CPLX2: variants seen among roughly 807,000 people sequenced by gnomAD.
CPLX2 encodes complexin-2.
A neutral mutation model predicts 16.3 loss-of-function variants in CPLX2; 5 were observed. The ratio of observed to expected loss-of-function variants is 0.31; its 90% CI spans 0.16 to 0.64. The LOEUF is 0.64. CPLX2 is among the 30% of genes least tolerant of loss of function. The pLI, the probability that CPLX2 is intolerant of heterozygous loss-of-function variation, is 0.79. For synonymous variants in CPLX2, 89 were observed against 73.2 expected (o/e 1.22, Z -1.10); for missense variants, 144 against 181.4 (o/e 0.79, Z 1.18).
intron 2 of CPLX2, among the ~76,000 whole-genome samples, chr5:175,856,985 G>A (rs1314010690): frequency 1.3e-5 from 2 of 152,198 alleles, no homozygotes; most frequent in African/African-American, 4.8e-5. Context: ...AATGCAGTCA[G>A]AGAATTTAGA....
chr5:175,841,407 C>A (rs564985294), intron 2 of CPLX2, among the ~76,000 whole-genome samples: 1 of 152,196 alleles, frequency 6.6e-6, no homozygotes, highest in Non-Finnish European at 1.5e-5. Context: ...CTGGGAGTCA[C>A]GCTTGTGAAG....
chr5:175,858,576 G>A (rs564660330), intron 2 of CPLX2, among the ~76,000 whole-genome samples: 12 of 152,342 alleles, frequency 7.9e-5, no homozygotes, highest in African/African-American at 1.7e-4. Context: ...CCTGAGGGGC[G>A]AAGGAGGAGC....
intron 2 of CPLX2, among the ~76,000 whole-genome samples, chr5:175,813,437 T>C (rs1758348233): frequency 6.6e-6 from 1 of 152,256 alleles, no homozygotes. Flanking sequence ...TTAGTTCTTA[T>C]ATCCTTCTAT....
intron 1 of CPLX2, chr5:175,878,157 G>A (rs953707778): frequency 6.6e-6 from 1 of 152,486 alleles, no homozygotes; most frequent in Non-Finnish European, 1.5e-5. Flanking sequence ...CAGTAACACC[G>A]GCTGGTCTTT....
intron 1 of CPLX2, among the ~76,000 whole-genome samples, chr5:175,799,127 G>A (rs1301378920): frequency 3.3e-5 from 5 of 152,178 alleles, no homozygotes; most frequent in African/African-American, 1.2e-4. Context: ...TGCCAGAATT[G>A]TTCATGTCCA....
At chr5:175,836,174 C>T (rs1376491952) in intron 2 of CPLX2, among the ~76,000 whole-genome samples, 1 of 151,970 alleles carries the variant, frequency 6.6e-6, no homozygotes, top group Non-Finnish European at 1.5e-5. Flanking sequence ...CACGGTGAAA[C>T]CCCGTCTCTA....
At chr5:175,833,138 A>T (rs72823129) in intron 2 of CPLX2, among the ~76,000 whole-genome samples, 3 of 141,414 alleles carry the variant, frequency 2.1e-5, no homozygotes. Context: ...CCTAGATGAC[A>T]AAAGTGAAAC....
In CPLX2 at chr5:175,810,449, G is replaced by A. The variant is rs115136034; in HGVS notation, c.-89+1381G>A. 1.8e-3 allele frequency among the ~76,000 whole-genome samples: 270 copies of A among 152,322 alleles called. 1 individual carries two copies. The highest frequency in any genetic ancestry group is 2.0e-3 in the Non-Finnish European group (139 of 68,034). ...AGCTTCTCATCTTCCAAAATTTGGA[G>A]ATGTCACTGAGCACTTGCACCTTTG... On this transcript the variant is annotated intron_variant, in intron 2 of 4. Coordinates refer to the CPLX2 transcript ENST00000359546.
chr5:175,839,693 T>A (rs1047375286), intron 2 of CPLX2, among the ~76,000 whole-genome samples: 9 of 152,252 alleles, frequency 5.9e-5, no homozygotes, highest in Admixed American at 5.9e-4. Context: ...CAAGATTACA[T>A]TAAACATTAT....
chr5:175,869,996 C>T (rs1267382814), upstream of CPLX2, among the ~76,000 whole-genome samples: 1 of 152,208 alleles, frequency 6.6e-6, no homozygotes, highest in African/African-American at 2.4e-5. Flanking sequence ...ACGGGGAGGA[C>T]TGTGCACTTG....
At chr5:175,817,970 A>G (rs1022328960) in intron 2 of CPLX2, among the ~76,000 whole-genome samples, 4 of 152,140 alleles carry the variant, frequency 2.6e-5, no homozygotes, top group Non-Finnish European at 5.9e-5. Flanking sequence ...AGGAGCCTCA[A>G]ATAAGAGCAA....
intron 2 of CPLX2, among the ~76,000 whole-genome samples, chr5:175,817,544 C>G (rs1029093649): frequency 6.6e-6 from 1 of 152,208 alleles, no homozygotes; most frequent in African/African-American, 2.4e-5. Flanking sequence ...TGACAAGAAG[C>G]TCACTACTCT....
intron 2 of CPLX2, among the ~76,000 whole-genome samples, chr5:175,859,632 C>G (rs1759324953): frequency 6.6e-6 from 1 of 152,178 alleles, no homozygotes; most frequent in Non-Finnish European, 1.5e-5. Flanking sequence ...AGCTGTTGGC[C>G]AAAAGTATGT....
chr5:175,843,195 C>G (rs1450268409), intron 2 of CPLX2, among the ~76,000 whole-genome samples: 3 of 152,194 alleles, frequency 2.0e-5, no homozygotes, highest in Non-Finnish European at 4.4e-5. Flanking sequence ...GTCAGCTAGT[C>G]AGACAACAGG....
At chr5:175,868,662 T>C (rs960126302), upstream of CPLX2, among the ~76,000 whole-genome samples, 4 of 151,208 alleles carry the variant, frequency 2.6e-5, no homozygotes, top group Non-Finnish European at 4.4e-5. Context: ...CCACATGACA[T>C]GAGGACCCCG....
rs536276987 is a variant in CPLX2 at position 175,822,246 on chromosome 5, T to C, written c.-89+13178T>C. 2.0e-4 allele frequency among the ~76,000 whole-genome samples: 31 copies of C among 152,322 alleles called. 1 individual carries two copies. The South Asian group carries it at 6.2e-3, about 31-fold the overall frequency. ...ACGTACTTTTGAGTTTTGTCCTCAATTTCGTTTTCCTTCCATCCTTTTCTC... is the reference window on the plus strand; with the variant it reads ...ACGTACTTTTGAGTTTTGTCCTCAACTTCGTTTTCCTTCCATCCTTTTCTC... On this transcript the variant is annotated intron_variant, in intron 2 of 4. Transcript: ENST00000359546.
At chr5:175,875,485 T>C (rs987357767) in intron 1 of CPLX2, among the ~76,000 whole-genome samples, 2 of 152,192 alleles carry the variant, frequency 1.3e-5, no homozygotes, top group African/African-American at 2.4e-5. Flanking sequence ...ACACATCCCA[T>C]AGAGTATTTC....
At chr5:175,820,657 G>A (rs548929905) in intron 2 of CPLX2, among the ~76,000 whole-genome samples, 140 of 152,044 alleles carry the variant, frequency 9.2e-4, no homozygotes, top group Non-Finnish European at 1.3e-3. Context: ...GCAGCCCCCC[G>A]CCCCCTACCA....
rs1759648974 is a variant in CPLX2, at chr5:175,872,401, C to T, written c.-89+696C>T. On this transcript the variant is annotated intron_variant, in intron 1 of 3. Coordinates refer to ENST00000393745, the MANE Select transcript of CPLX2 (RefSeq NM_001008220.2). This position sits in a 1 kb window ranked among gnomAD's most constrained non-coding sequence, Gnocchi z 5.0. ...TCTCGTTCTCGTCGGCCTCAATCTG[C>T]CCCCTTCCCCAGCAAAGTTTGAAAC... is the stretch of plus-strand genomic sequence containing the variant. Among the ~76,000 whole-genome samples the T allele has an allele frequency of 6.6e-6, 1 of 152,298 alleles. No individual in the cohort carries two copies.
Sources: gnomAD v4.1 joint callset for allele counts (sites outside exome capture counted in the v4.1 genomes callset) on GRCh38, gnomAD v4.1.1 for gene constraint, Gnocchi (gnomAD v3.1) non-coding constraint, MANE v1.5 for transcripts, NCBI Gene and HGNC (gene_info 2026-07-23, HGNC 2026-07-21) for gene names.